The following USP49 variants were observed in gnomAD, a reference collection of about 807,000 sequenced individuals.
USP49 encodes ubiquitin specific peptidase 49, also known as ubiquitin carboxyl-terminal hydrolase 49.
A neutral mutation model predicts 58.6 loss-of-function variants in USP49; 24 were observed. That is an observed-to-expected ratio of 0.41 (90% CI 0.30 to 0.58). USP49 has a LOEUF of 0.58. USP49 is among the 20% of genes least tolerant of loss of function. The probability of loss-of-function intolerance (pLI) is 0.30; values close to 1 mark genes in which losing one functional copy is unlikely to be tolerated. For missense variants in USP49, 703 were observed against 866.1 expected (o/e 0.81, Z 2.36); for synonymous variants, 408 against 365.1 (o/e 1.12, Z -1.34).
At chr6:41,838,335 A>C (rs1371980462) in intron 3 of USP49, among the ~76,000 whole-genome samples, 13 of 152,170 alleles carry the variant, frequency 8.5e-5, no homozygotes, top group Non-Finnish European at 1.0e-4. Context: ...CCCACCAAAC[A>C]TATCTGCAAC....
intron 3 of USP49, among the ~76,000 whole-genome samples, chr6:41,848,429 C>G (rs921399189): frequency 2.0e-5 from 3 of 152,056 alleles, no homozygotes; most frequent in Non-Finnish European, 4.4e-5. Flanking sequence ...TGCAGTGGCA[C>G]TATCATGGTT....
chr6:41,871,020 C>T (rs1365479749), intron 3 of USP49, among the ~76,000 whole-genome samples: 1 of 151,970 alleles, frequency 6.6e-6, no homozygotes, highest in East Asian at 1.9e-4. Context: ...CACTGCACTC[C>T]AGCCTGGGCA....
chr6:41,824,429 C>T (rs1027279284), intron 3 of USP49, among the ~76,000 whole-genome samples: 2 of 151,672 alleles, frequency 1.3e-5, no homozygotes, highest in East Asian at 1.9e-4. Flanking sequence ...AACATAGCAT[C>T]GCCGGGCACA....
intron 3 of USP49, among the ~76,000 whole-genome samples, chr6:41,864,919 G>T (rs1774283798): frequency 1.3e-5 from 2 of 151,762 alleles, no homozygotes; most frequent in Admixed American, 6.6e-5. Context: ...TAAATTACAG[G>T]GTTTGGGGAA....
At chr6:41,884,346 G>C (rs1044126347) in intron 2 of USP49, among the ~76,000 whole-genome samples, 1 of 152,158 alleles carries the variant, frequency 6.6e-6, no homozygotes, top group Non-Finnish European at 1.5e-5. Context: ...TTAAAACATA[G>C]TGCTCACTGA....
At chr6:41,820,044 C>T (rs1467702615) in intron 3 of USP49, among the ~76,000 whole-genome samples, 1 of 152,136 alleles carries the variant, frequency 6.6e-6, no homozygotes, top group Non-Finnish European at 1.5e-5. Context: ...TATCAGAAAC[C>T]TAGAGACACA....
intron 3 of USP49, among the ~76,000 whole-genome samples, chr6:41,846,771 C>CA (rs961080541): frequency 1.3e-4 from 20 of 151,918 alleles, no homozygotes; most frequent in Non-Finnish European, 2.9e-4. Context: ...TGGAGGAAAC[C>CA]CCCCCCATAC....
chr6:41,793,961 T>C lies in USP49; in HGVS notation c.*2572A>G, dbSNP rs540816514. On this transcript the variant is annotated 3_prime_UTR_variant, in exon 8 of 8. Coordinates refer to ENST00000682992, the MANE Select transcript of USP49 (RefSeq NM_001286554.2). ...TGGCAGCATCTAGTCAGTTTTTACC[T>C]GGTTCTTATTTTCTTCTCTTTAGAA... 6.6e-6 allele frequency: 1 copy of C among 152,236 alleles called. No homozygotes were observed. Among genetic ancestry groups the C allele is most frequent in the South Asian group, 2.1e-4 (1 of 4,834 alleles). 9.4% of individuals were successfully genotyped at this position (152,236 alleles called of 1,614,324 possible). A position where few individuals can be genotyped will look rare whatever the true frequency, so the allele number is the denominator to read the frequency against.
intron 3 of USP49, among the ~76,000 whole-genome samples, chr6:41,826,241 T>C (rs1466723260): frequency 2.0e-5 from 3 of 152,078 alleles, no homozygotes; most frequent in Non-Finnish European, 4.4e-5. Flanking sequence ...CACTCCAGCC[T>C]GGGTGACAGA....
intron 2 of USP49, among the ~76,000 whole-genome samples, chr6:41,885,597 G>A (rs945563144): frequency 6.6e-6 from 1 of 152,066 alleles, no homozygotes; most frequent in Non-Finnish European, 1.5e-5. Context: ...TCAGGAGTTC[G>A]AGATCAGCCT....
intron 3 of USP49, among the ~76,000 whole-genome samples, chr6:41,849,835 T>G (rs1393034479): frequency 6.6e-6 from 1 of 152,092 alleles, no homozygotes; most frequent in East Asian, 1.9e-4. Context: ...CTTGATCTCC[T>G]GACCTCATGA....
chr6:41,817,766 C>A (rs1773382329), intron 3 of USP49, among the ~76,000 whole-genome samples: 1 of 152,102 alleles, frequency 6.6e-6, no homozygotes, highest in Non-Finnish European at 1.5e-5. Context: ...CAGGTGTGCA[C>A]CACAATGCCC....
intron 2 of USP49, among the ~76,000 whole-genome samples, chr6:41,888,048 CTTTTTT>C (rs35468035): frequency 1.2e-5 from 1 of 85,478 alleles, no homozygotes; most frequent in African/African-American, 4.4e-5. Context: ...TCACAATCAG[CTTTTTT>C]TTTTTTTTTT....
intron 3 of USP49, among the ~76,000 whole-genome samples, chr6:41,867,859 A>T (rs1262677607): frequency 6.6e-6 from 1 of 152,236 alleles, no homozygotes; most frequent in Non-Finnish European, 1.5e-5. Flanking sequence ...GAAGCAAAAC[A>T]GCAATATTCA....
chr6:41,833,928 A>G (rs1773679715), intron 3 of USP49, among the ~76,000 whole-genome samples: 1 of 152,230 alleles, frequency 6.6e-6, no homozygotes, highest in Admixed American at 6.5e-5. Context: ...AAACACTTCC[A>G]ATGTTGGTAA....
chr6:41,838,568 G>C (rs1477992691), intron 3 of USP49, among the ~76,000 whole-genome samples: 2 of 152,280 alleles, frequency 1.3e-5, no homozygotes, highest in South Asian at 2.1e-4. Flanking sequence ...CTAGGGGAAG[G>C]GGGAGAGCAC....
chr6:41,890,671 C>T (rs1774797226), intron 2 of USP49, among the ~76,000 whole-genome samples: 1 of 152,028 alleles, frequency 6.6e-6, no homozygotes. Context: ...GATTCTGTCT[C>T]AATAATAATC....
intron 5 of USP49, among the ~76,000 whole-genome samples, chr6:41,802,460 ATTTATTTATTT>A (rs869122385): frequency 1.1e-4 from 8 of 71,388 alleles, no homozygotes; most frequent in African/African-American, 4.6e-4. Context: ...TTATTTATTT[ATTTATTTATTT>A]TTTATTTATT....
chr6:41,815,247 C>T (rs898933227), intron 3 of USP49, among the ~76,000 whole-genome samples: 3 of 152,010 alleles, frequency 2.0e-5, no homozygotes, highest in African/African-American at 4.8e-5. Context: ...GGTGAAACCC[C>T]ATTTCTACTA....
Sources: allele counts gnomAD v4.1 joint callset (sites outside exome capture counted in the v4.1 genomes callset), GRCh38; gene constraint gnomAD v4.1.1; transcripts MANE v1.5; gene names NCBI Gene and HGNC (gene_info 2026-07-23, HGNC 2026-07-21).